The following PPP2R2B variants were observed in gnomAD, a reference collection of about 807,000 sequenced individuals.
PPP2R2B encodes the protein protein phosphatase 2 regulatory subunit Bbeta, also known as serine/threonine-protein phosphatase 2A 55 kDa regulatory subunit B beta isoform.
Under a neutral mutation model 46.0 loss-of-function variants are expected in PPP2R2B, and 5 were observed. The ratio of observed to expected loss-of-function variants is 0.11; its 90% CI spans 0.06 to 0.23. PPP2R2B has a LOEUF of 0.23. PPP2R2B is among the 10% of genes least tolerant of loss of function. The probability of loss-of-function intolerance (pLI) is 1.00; values close to 1 mark genes in which losing one functional copy is unlikely to be tolerated. For missense variants in PPP2R2B, 367 were observed against 575.0 expected (o/e 0.64, Z 3.70); for synonymous variants, 215 against 206.7 (o/e 1.04, Z -0.34).
chr5:147,008,485 G>A (rs1580793558), intron 1 of PPP2R2B, among the ~76,000 whole-genome samples: 1 of 152,058 alleles, frequency 6.6e-6, no homozygotes, highest in African/African-American at 2.4e-5. Flanking sequence ...ACTGATCACT[G>A]TTTGTCCTAA....
chr5:146,850,958 TA>T (rs1325937922), intron 2 of PPP2R2B, among the ~76,000 whole-genome samples: 1 of 152,170 alleles, frequency 6.6e-6, no homozygotes, highest in Non-Finnish European at 1.5e-5. Context: ...TTCAGAAGAA[TA>T]TGTCACTTCA....
chr5:146,657,507 A>G (rs1045084501), intron 5 of PPP2R2B, among the ~76,000 whole-genome samples: 10 of 152,208 alleles, frequency 6.6e-5, no homozygotes, highest in African/African-American at 2.4e-4. Context: ...GTTACGTACA[A>G]GCATAATCAA....
chr5:146,735,974 C>G (rs978775320), intron 2 of PPP2R2B, among the ~76,000 whole-genome samples: 1 of 151,870 alleles, frequency 6.6e-6, no homozygotes, highest in Non-Finnish European at 1.5e-5. Flanking sequence ...TGGCTGTGTC[C>G]CCACCCAAAT....
chr5:147,072,001 A>G (rs989387258), intron 2 of PPP2R2B, among the ~76,000 whole-genome samples: 7 of 152,208 alleles, frequency 4.6e-5, no homozygotes, highest in Non-Finnish European at 1.0e-4. Context: ...TGCATTTTCA[A>G]GACAGTCAAC....
chr5:146,995,609 C>T (rs956898836), intron 1 of PPP2R2B, among the ~76,000 whole-genome samples: 1 of 152,198 alleles, frequency 6.6e-6, no homozygotes, highest in African/African-American at 2.4e-5. Flanking sequence ...ACAAGTTCAA[C>T]TCCATATTTC....
At chr5:146,949,727 G>A (rs1234319960) in intron 1 of PPP2R2B, among the ~76,000 whole-genome samples, 1 of 152,014 alleles carries the variant, frequency 6.6e-6, no homozygotes, top group African/African-American at 2.4e-5. Flanking sequence ...GTTTATTTCA[G>A]CACTATTAAC....
chr5:146,733,732 C>T (rs1200771455), intron 2 of PPP2R2B, among the ~76,000 whole-genome samples: 1 of 152,184 alleles, frequency 6.6e-6, no homozygotes, highest in Non-Finnish European at 1.5e-5. Flanking sequence ...CAAACACACA[C>T]ACGTCATTTA....
intron 8 of PPP2R2B, among the ~76,000 whole-genome samples, chr5:146,599,831 A>G (rs540473295): frequency 4.0e-4 from 61 of 152,202 alleles, no homozygotes; most frequent in African/African-American, 1.4e-3. Context: ...CCGGTGTATG[A>G]TGTTCCCCTT....
chr5:147,012,007 A>G, intron 1 of PPP2R2B, among the ~76,000 whole-genome samples: 1 of 148,204 alleles, frequency 6.7e-6, no homozygotes, highest in African/African-American at 2.5e-5. Context: ...TTTTTGCATC[A>G]ATGTTCATCA....
chr5:146,681,422 G>A (rs886185363), intron 5 of PPP2R2B, among the ~76,000 whole-genome samples: 7 of 151,950 alleles, frequency 4.6e-5, no homozygotes, highest in Admixed American at 1.3e-4. Context: ...GTGTAGTTTC[G>A]GGGACCGGAG....
chr5:147,080,766 T>C lies in PPP2R2B; in HGVS notation c.50+293A>G, dbSNP rs1281419103. ...CTTAAAATGTCTGGACTCAGAATTC[T>C]ACAGCGCTGACAGATCATCCTGAAA... On this transcript the variant is annotated intron_variant, in intron 2 of 10. Transcript: ENST00000394413. 2.0e-5 allele frequency among the ~76,000 whole-genome samples: 3 copies of C among 152,176 alleles called. 1 individual carries two copies. The highest frequency in any genetic ancestry group is 1.3e-4 in the Admixed American group (2 of 15,282).
At chr5:147,005,604 G>A (rs1473146613) in intron 1 of PPP2R2B, among the ~76,000 whole-genome samples, 4 of 152,066 alleles carry the variant, frequency 2.6e-5, no homozygotes, top group Non-Finnish European at 5.9e-5. Flanking sequence ...GGGAAGGAGA[G>A]GGGAGAACAG....
intron 1 of PPP2R2B, among the ~76,000 whole-genome samples, chr5:146,978,395 T>C (rs1217440933): frequency 6.6e-6 from 1 of 152,222 alleles, no homozygotes; most frequent in African/African-American, 2.4e-5. Flanking sequence ...TTTGTCAATT[T>C]TGGCTTTTTT....
chr5:146,755,981 A>C (rs747282055), intron 2 of PPP2R2B, among the ~76,000 whole-genome samples: 1 of 152,138 alleles, frequency 6.6e-6, no homozygotes, highest in Non-Finnish European at 1.5e-5. Context: ...AATCCCTTTC[A>C]TGTATCATTT....
At chr5:146,745,853 G>C (rs533307731) in intron 2 of PPP2R2B, among the ~76,000 whole-genome samples, 13 of 152,130 alleles carry the variant, frequency 8.5e-5, no homozygotes, top group Non-Finnish European at 1.9e-4. Flanking sequence ...AGCTACTTGG[G>C]AGGCTGAGGC....
chr5:146,690,254 C>T (rs1319261626), intron 5 of PPP2R2B, among the ~76,000 whole-genome samples: 2 of 152,194 alleles, frequency 1.3e-5, no homozygotes, highest in Non-Finnish European at 2.9e-5. Context: ...CATAACTGAG[C>T]TCATCATCCA....
intron 1 of PPP2R2B, among the ~76,000 whole-genome samples, chr5:146,901,603 T>TC (rs1424009347): frequency 6.6e-6 from 1 of 152,102 alleles, no homozygotes; most frequent in African/African-American, 2.4e-5. Flanking sequence ...CAAATATTCA[T>TC]TATACCTGAG....
intron 7 of PPP2R2B, among the ~76,000 whole-genome samples, chr5:146,608,970 T>C (rs1772573904): frequency 6.6e-6 from 1 of 152,142 alleles, no homozygotes; most frequent in Non-Finnish European, 1.5e-5. Flanking sequence ...CGGACAAAGA[T>C]ATATCAAGAG....
chr5:146,635,926 A>G, intron 7 of PPP2R2B, among the ~76,000 whole-genome samples: 1 of 152,244 alleles, frequency 6.6e-6, no homozygotes, highest in East Asian at 1.9e-4. Context: ...TATCACGTCC[A>G]TGTATGACGA....
Sources: allele counts gnomAD v4.1 joint callset (sites outside exome capture counted in the v4.1 genomes callset), GRCh38; gene constraint gnomAD v4.1.1; transcripts MANE v1.5; gene names NCBI Gene and HGNC (gene_info 2026-07-23, HGNC 2026-07-21).